PM20D2: variants seen among roughly 807,000 people sequenced by gnomAD.
The protein encoded by PM20D2 is xaa-Arg dipeptidase.
Under a neutral mutation model 42.9 loss-of-function variants are expected in PM20D2, and 33 were observed. The observed-to-expected ratio is 0.77, with a 90% CI of 0.58 to 1.03. The LOEUF (loss-of-function observed/expected upper bound fraction) is 1.03. Among genes scored for constraint, PM20D2 ranks in the 50% least tolerant of loss-of-function variants. The pLI, the probability that PM20D2 is intolerant of heterozygous loss-of-function variation, is 0.00. For missense variants in PM20D2, 548 were observed against 557.0 expected, an observed-to-expected ratio of 0.98 and a Z score of 0.16; for synonymous variants, 250 against 228.2, an observed-to-expected ratio of 1.10 and a Z score of -0.86.
At chr6:89,155,337 C>T (rs1325515895) in intron 4 of PM20D2, among the ~76,000 whole-genome samples, 1 of 133,478 alleles carries the variant, frequency 7.5e-6, no homozygotes, top group Non-Finnish European at 1.5e-5. Context: ...TGCAGCGGCA[C>T]GATCTTGGCT....
At chr6:89,118,614 G>A in the PM20D2 span, among the ~76,000 whole-genome samples, 10 of 152,302 alleles carry the variant, frequency 6.6e-5, 1 homozygote, top group South Asian at 1.2e-3. Context: ...ACCGCGCCTG[G>A]CCTGTTGGAT....
intron 2 of PM20D2, among the ~76,000 whole-genome samples, chr6:89,152,386 A>G (rs887945576): frequency 6.6e-6 from 1 of 152,182 alleles, no homozygotes; most frequent in Non-Finnish European, 1.5e-5. Context: ...ATAAGTAACT[A>G]TTCAACACGC....
the PM20D2 span, among the ~76,000 whole-genome samples, chr6:89,103,991 C>CTTTTTTTTTTTTTTTTT: frequency 1.2e-5 from 1 of 81,950 alleles, no homozygotes; most frequent in African/African-American, 4.7e-5. Context: ...TATTATATTT[C>CTTTTTTTTTTTTTTTTT]TTTTTTTTTT....
At chr6:89,116,318 G>T in the PM20D2 span, among the ~76,000 whole-genome samples, 4 of 152,072 alleles carry the variant, frequency 2.6e-5, no homozygotes, top group African/African-American at 9.7e-5. Flanking sequence ...CAACTGCAAG[G>T]TTTTTTAATT....
the PM20D2 span, among the ~76,000 whole-genome samples, chr6:89,111,839 TG>T: frequency 3.3e-5 from 5 of 152,204 alleles, no homozygotes; most frequent in Non-Finnish European, 7.3e-5. Context: ...GTTGTGTTTT[TG>T]TTTTTGGAGA....
chr6:89,157,607 G>A (rs989742512), intron 4 of PM20D2, among the ~76,000 whole-genome samples: 1 of 152,180 alleles, frequency 6.6e-6, no homozygotes, highest in African/African-American at 2.4e-5. Flanking sequence ...TTGAATATTA[G>A]TAAAGCTTAA....
At position 89,149,246 on chromosome 6, in the gene PM20D2, C is replaced by T. The variant is rs777142950; in HGVS notation, c.466-19C>T. The T allele has an allele frequency of 3.1e-6, 5 of 1,609,908 alleles. No individual in the cohort carries two copies. The highest frequency in any genetic ancestry group is 2.7e-5 in the African/African-American group (2 of 74,634). On this transcript the variant is annotated intron_variant, in intron 1 of 6. Coordinates refer to ENST00000275072, the MANE Select transcript of PM20D2 (RefSeq NM_001010853.3). ...TGAGGATTTTGTTGTTTTTCCCTGACATGAGTATTTCCTTCTAGGTAGTTG... is the reference window on the plus strand; with the variant it reads ...TGAGGATTTTGTTGTTTTTCCCTGATATGAGTATTTCCTTCTAGGTAGTTG...
In PM20D2 at chr6:89,146,454, C is replaced by T; in HGVS notation, c.310C>T (p.Arg104Cys). 1 of 1,523,174 alleles carries T rather than the reference C, an allele frequency of 6.6e-7. No homozygotes were observed. The highest frequency in any genetic ancestry group is 1.4e-5 in the African/African-American group (1 of 70,756). The allele number at this position is 1,523,174 out of a possible 1,614,324, so 94.4% of individuals were successfully genotyped here. Residue 104 changes from arginine to cysteine, a missense_variant, in exon 1 of 7, where the codon CGC becomes TGC. Physicochemically the swap from Arg to Cys is radical, Grantham distance 180. Around this residue, in one of 3 missense-constraint regions of PM20D2, gnomAD observed 470 missense variants for 464.4 expected, o/e 1.01. Transcript: ENST00000275072. Reference sequence around the variant, plus strand: ...GGCCCGGGCACCGAGCGCCACGCCACGCCCGCTGCACCTGGGCTTCCTCTG... The same window carrying T: ...GGCCCGGGCACCGAGCGCCACGCCATGCCCGCTGCACCTGGGCTTCCTCTG... ...PEARAPSATPRPLHLGFLCEY... is the reference protein window; with the variant it reads ...PEARAPSATPCPLHLGFLCEY...
At chr6:89,110,904 C>T in the PM20D2 span, among the ~76,000 whole-genome samples, 2 of 152,068 alleles carry the variant, frequency 1.3e-5, no homozygotes, top group East Asian at 1.9e-4. Context: ...CTACTTGAGC[C>T]CAGGAGTTCA....
At chr6:89,106,566 A>G in the PM20D2 span, 165 of 159,800 alleles carry the variant, frequency 1.0e-3, no homozygotes, top group Admixed American at 3.8e-3. Flanking sequence ...TATAATGGAA[A>G]TTAGCTATAT....
chr6:89,098,582 CAACT>C, the PM20D2 span: 21 of 1,605,620 alleles, frequency 1.3e-5, no homozygotes, highest in Non-Finnish European at 1.4e-5. Flanking sequence ...TGCTGTTCAC[CAACT>C]GTTTTTATGA....
At chr6:89,094,680 A>G in the PM20D2 span, among the ~76,000 whole-genome samples, 1 of 152,210 alleles carries the variant, frequency 6.6e-6, no homozygotes, top group Admixed American at 6.5e-5. Flanking sequence ...CATAATCCAC[A>G]TTTAGTACTA....
the PM20D2 span, among the ~76,000 whole-genome samples, chr6:89,107,671 G>C: frequency 0.65 from 99,330 of 151,974 alleles, 33,262 homozygotes; most frequent in East Asian, 0.78. Flanking sequence ...GGGAGGTTGA[G>C]GCTGCAGTGA....
chr6:89,129,792 G>T, the PM20D2 span, among the ~76,000 whole-genome samples: 2 of 151,872 alleles, frequency 1.3e-5, no homozygotes, highest in Middle Eastern at 3.2e-3. Context: ...ACAGGATCTT[G>T]CTGTGTTTAC....
chr6:89,149,508 A>G (rs1770756008), intron 2 of PM20D2, 95 bp downstream of exon 2: 1 of 1,397,582 alleles, frequency 7.2e-7, no homozygotes, highest in Non-Finnish European at 9.7e-7. Flanking sequence ...ACATTTGTAT[A>G]TTTAAGAAGT....
upstream of PM20D2, among the ~76,000 whole-genome samples, chr6:89,141,996 A>ATTTTATTTTATT (rs1269141670): frequency 1.3e-5 from 2 of 151,526 alleles, no homozygotes; most frequent in Admixed American, 1.3e-4. Context: ...ATTTTATTTT[A>ATTTTATTTTATT]TTTTTTGTAG....
At chr6:89,113,789 C>T in the PM20D2 span, among the ~76,000 whole-genome samples, 1 of 152,090 alleles carries the variant, frequency 6.6e-6, no homozygotes, top group East Asian at 1.9e-4. Context: ...ACTACAGGTG[C>T]GCACTACCAC....
At chr6:89,109,866 C>T in the PM20D2 span, among the ~76,000 whole-genome samples, 3 of 152,082 alleles carry the variant, frequency 2.0e-5, no homozygotes, top group Non-Finnish European at 2.9e-5. Context: ...CCGAGGTGGG[C>T]GGATTACGAG....
chr6:89,112,872 T>G, the PM20D2 span, among the ~76,000 whole-genome samples: 16 of 152,226 alleles, frequency 1.1e-4, no homozygotes, highest in Non-Finnish European at 2.4e-4. Context: ...TTAAAAAATC[T>G]TTTACACCAT....
Sources: gnomAD v4.1 joint callset for allele counts (sites outside exome capture counted in the v4.1 genomes callset) on GRCh38, gnomAD v4.1.1 for gene constraint, gnomAD v4.1.1 regional missense constraint, MANE v1.5 for transcripts, NCBI Gene and HGNC (gene_info 2026-07-23, HGNC 2026-07-21) for gene names.